TRPS1: variants seen among roughly 807,000 people sequenced by gnomAD.
TRPS1 encodes the protein zinc finger transcription factor Trps1.
In TRPS1, 6 loss-of-function variants were observed where a neutral mutation model predicts 101.2. The observed-to-expected ratio is 0.06, with a 90% CI of 0.03 to 0.12. The LOEUF is 0.12. Ranked by LOEUF, TRPS1 falls within the 10% of genes least tolerant of loss-of-function variation. The pLI, the probability that TRPS1 is intolerant of heterozygous loss-of-function variation, is 1.00. For missense variants in TRPS1, 1,363 were observed against 1,567.0 expected, an observed-to-expected ratio of 0.87 and a Z score of 2.20; for synonymous variants, 578 against 589.8, an observed-to-expected ratio of 0.98 and a Z score of 0.29.
At chr8:115,653,155 G>A (rs577973621) in intron 1 of TRPS1, among the ~76,000 whole-genome samples, 9 of 152,188 alleles carry the variant, frequency 5.9e-5, no homozygotes, top group East Asian at 3.9e-4. Flanking sequence ...AGAAGAAAAC[G>A]AGATATTTTA....
At chr8:115,526,271 T>G (rs1471349597) in intron 5 of TRPS1, among the ~76,000 whole-genome samples, 1 of 151,832 alleles carries the variant, frequency 6.6e-6, no homozygotes, top group Non-Finnish European at 1.5e-5. Flanking sequence ...ATCACGCCAC[T>G]TACACTCCAG....
At chr8:115,509,602 G>A (rs1280237911) in intron 5 of TRPS1, 1 of 151,994 alleles carries the variant, frequency 6.6e-6, no homozygotes, top group Non-Finnish European at 1.5e-5. Flanking sequence ...TCATTTTACA[G>A]AAAAGAAAAG....
intron 1 of TRPS1, among the ~76,000 whole-genome samples, chr8:115,641,648 G>A (rs1461029233): frequency 6.6e-6 from 1 of 152,174 alleles, no homozygotes; most frequent in African/African-American, 2.4e-5. Context: ...GGGAGGCCAG[G>A]GCAGGTGGAT....
Position 115,415,031 on chromosome 8 carries a change from C to A in TRPS1, c.2877G>T (p.Arg959Ser). The change falls in exon 7 of 7, where the codon AGG becomes AGT. Residue 959 changes from arginine to serine, a missense_variant. By Grantham distance (110) the Arg-to-Ser change is moderately radical (BLOSUM62 -1). Around this residue, in one of 5 missense-constraint regions of TRPS1, gnomAD observed 12 missense variants for 28.0 expected, o/e 0.43. Transcript: ENST00000395715. Reference sequence around the variant, plus strand: ...GGTTAAGGCGCTTTCTTGTTCTCCTCCTAATAATCTGCTCACCGTTGTTTT... The same window carrying A: ...GGTTAAGGCGCTTTCTTGTTCTCCTACTAATAATCTGCTCACCGTTGTTTT... ...IKQNNGEQIIRRRTRKRLNPE... is the reference protein window; with the variant it reads ...IKQNNGEQIISRRTRKRLNPE... 6.3e-7 allele frequency: 1 copy of A among 1,588,510 alleles called. No individual in the cohort carries two copies. The highest frequency in any genetic ancestry group is 8.5e-7 in the Non-Finnish European group (1 of 1,172,302).
chr8:115,623,138 G>A (rs1818433611), intron 2 of TRPS1, among the ~76,000 whole-genome samples: 1 of 151,928 alleles, frequency 6.6e-6, no homozygotes, highest in Non-Finnish European at 1.5e-5. Context: ...CCCAAGAACA[G>A]ATACTTAGAA....
At chr8:115,559,948 A>G (rs1816909218) in intron 5 of TRPS1, among the ~76,000 whole-genome samples, 3 of 152,204 alleles carry the variant, frequency 2.0e-5, no homozygotes, top group East Asian at 1.9e-4. Context: ...TCATAAATGT[A>G]TACATTTCAA....
chr8:115,652,300 T>C (rs1378084704), intron 1 of TRPS1, among the ~76,000 whole-genome samples: 3 of 152,190 alleles, frequency 2.0e-5, no homozygotes, highest in Non-Finnish European at 4.4e-5. Context: ...TTGGCAGATA[T>C]CGCTTAGTTG....
rs537054738 is a variant in TRPS1 at position 115,432,629 on chromosome 8, T to G, written c.2701-14177A>C. ...TTAAAAACATTTAGGTACAGAAAAG[T>G]GTGCCTGCTATATAAAAGTAATAAC... On this transcript the variant is annotated intron_variant, in intron 5 of 6. Coordinates refer to ENST00000395715, the MANE Select transcript of TRPS1 (RefSeq NM_014112.5). 1.9e-4 allele frequency among the ~76,000 whole-genome samples: 29 copies of G among 152,062 alleles called. No individual in the cohort carries two copies. In the South Asian group the frequency reaches 6.0e-3, roughly 31 times the overall value.
At chr8:115,635,788 C>T (rs570625475) in intron 1 of TRPS1, among the ~76,000 whole-genome samples, 10 of 152,172 alleles carry the variant, frequency 6.6e-5, no homozygotes, top group Admixed American at 5.2e-4. Context: ...GAGACAAGTT[C>T]AGTGGTATTA....
chr8:115,655,727 C>T (rs941360142), intron 1 of TRPS1, among the ~76,000 whole-genome samples: 1 of 152,114 alleles, frequency 6.6e-6, no homozygotes, highest in African/African-American at 2.4e-5. Context: ...AAAAGAGCTA[C>T]TGAACTTTTC....
chr8:115,497,781 A>G (rs750137099), intron 5 of TRPS1, among the ~76,000 whole-genome samples: 3 of 152,176 alleles, frequency 2.0e-5, no homozygotes, highest in South Asian at 2.1e-4. Context: ...TGTTACATCA[A>G]TAAGCCTTTG....
chr8:115,453,764 T>C (rs1813942552), intron 5 of TRPS1, among the ~76,000 whole-genome samples: 1 of 152,242 alleles, frequency 6.6e-6, no homozygotes, highest in Admixed American at 6.5e-5. Context: ...CAAACTGTAA[T>C]CAGGCAATTG....
intron 5 of TRPS1, among the ~76,000 whole-genome samples, chr8:115,523,814 T>C (rs936833425): frequency 2.0e-5 from 3 of 152,210 alleles, no homozygotes; most frequent in Admixed American, 6.5e-5. Flanking sequence ...ATCAATTGAG[T>C]GTCAGGATTG....
At chr8:115,605,944 C>A (rs1818027931) in intron 3 of TRPS1, among the ~76,000 whole-genome samples, 1 of 152,140 alleles carries the variant, frequency 6.6e-6, no homozygotes, top group Non-Finnish European at 1.5e-5. Context: ...CACCACTGAG[C>A]AGCCAAAATT....
At chr8:115,525,385 A>C (rs772432656) in intron 5 of TRPS1, among the ~76,000 whole-genome samples, 9 of 152,106 alleles carry the variant, frequency 5.9e-5, no homozygotes, top group Non-Finnish European at 1.2e-4. Context: ...GCTGTATTCT[A>C]TCTCTATCAG....
intron 5 of TRPS1, among the ~76,000 whole-genome samples, chr8:115,489,987 T>TGAAG (rs1400214995): frequency 6.6e-5 from 10 of 152,266 alleles, no homozygotes; most frequent in Non-Finnish European, 1.5e-4. Context: ...TGTCTCTTTT[T>TGAAG]TAGCTAAATG....
intron 5 of TRPS1, among the ~76,000 whole-genome samples, chr8:115,421,807 C>T (rs1482015045): frequency 6.6e-6 from 1 of 152,182 alleles, no homozygotes; most frequent in Admixed American, 6.5e-5. Context: ...GAGCCCTGAC[C>T]TGGTCACACT....
At chr8:115,637,270 T>C (rs1200465083) in intron 1 of TRPS1, 1 of 985,180 alleles carries the variant, frequency 1.0e-6, no homozygotes, top group Non-Finnish European at 1.2e-6. Flanking sequence ...TAAGACAGAA[T>C]CTTGAATCCC....
intron 4 of TRPS1, among the ~76,000 whole-genome samples, chr8:115,602,248 CA>C (rs917600922): frequency 3.3e-4 from 50 of 150,768 alleles, no homozygotes; most frequent in Non-Finnish European, 4.7e-4. Flanking sequence ...GAAGATTTCT[CA>C]AAAAAAAAGT....
Sources: allele counts gnomAD v4.1 joint callset (sites outside exome capture counted in the v4.1 genomes callset), GRCh38; gene constraint gnomAD v4.1.1; regional missense constraint gnomAD v4.1.1; transcripts MANE v1.5; gene names NCBI Gene and HGNC (gene_info 2026-07-23, HGNC 2026-07-21).